Variants in ZNF480 observed in about 807,000 individuals in gnomAD.
ZNF480 encodes zinc finger protein 480.
Under a neutral mutation model 14.4 loss-of-function variants are expected in ZNF480, and 15 were observed. The observed-to-expected ratio is 1.04, with a 90% CI of 0.70 to 1.60. ZNF480 has a LOEUF of 1.60. Ranked by LOEUF, ZNF480 falls within the 40% of genes most tolerant of loss-of-function variation. The pLI, the probability that ZNF480 is intolerant of heterozygous loss-of-function variation, is 0.00. For missense variants in ZNF480, 593 were observed against 629.7 expected (o/e 0.94, Z 0.62); for synonymous variants, 218 against 215.5 (o/e 1.01, Z -0.10).
At chr19:52,316,780 T>G (rs1983578110) in intron 4 of ZNF480, among the ~76,000 whole-genome samples, 1 of 152,214 alleles carries the variant, frequency 6.6e-6, no homozygotes, top group Non-Finnish European at 1.5e-5. Context: ...TTTTGGATAC[T>G]CAAATGGAAT....
intron 1 of ZNF480, 134 bp downstream of exon 1, chr19:52,297,357 C>G: frequency 2.6e-6 from 1 of 377,500 alleles, no homozygotes; most frequent in Non-Finnish European, 5.2e-6. Context: ...CAGGCGTCTC[C>G]GTGAGAGTCA....
intron 2 of ZNF480, among the ~76,000 whole-genome samples, chr19:52,310,675 C>G (rs1219045000): frequency 6.6e-6 from 1 of 151,722 alleles, no homozygotes; most frequent in African/African-American, 2.4e-5. Context: ...TTATTTTTGT[C>G]CTTGTTTTTA....
chr19:52,322,406 C>A lies in ZNF480; in HGVS notation c.1156C>A (p.Leu386Ile), dbSNP rs775434873. 1 of 1,613,952 alleles carries A rather than the reference C, an allele frequency of 6.2e-7. No individual in the cohort carries two copies. The highest frequency in any genetic ancestry group is 1.1e-5 in the South Asian group (1 of 91,064). Residue 386 changes from leucine (L) to isoleucine (I), a missense_variant, in exon 5 of 5, where the codon CTA becomes ATA. Physicochemically the swap from Leu to Ile is conservative, Grantham distance 5. Coordinates refer to ENST00000595962, the MANE Select transcript of ZNF480 (RefSeq NM_144684.4). ...CGKVFIQNSH[L>I]AQHWRIHTGE... is the part of the protein sequence containing the mutation. ...AAAGGTCTTTATTCAAAATTCGCAC[C>A]TAGCACAACATTGGAGAATTCATAC...
chr19:52,309,880 T>G (rs1184509201), intron 2 of ZNF480, among the ~76,000 whole-genome samples: 1 of 152,162 alleles, frequency 6.6e-6, no homozygotes, highest in East Asian at 1.9e-4. Flanking sequence ...TTTAGTAGAG[T>G]TGCAGATTTC....
In ZNF480 at chr19:52,322,177, T is replaced by C; in HGVS notation, c.927T>C (p.His309=). The part of the protein sequence containing the change: ...NSYLARHQRI[H]AEEKPYKCNE... ...ACCTTGCACGACATCAAAGAATTCA[T>C]GCTGAAGAGAAACCTTACAAATGTA... The change falls in exon 5 of 5, where the codon CAT becomes CAC. Residue 309 remains histidine (H), a synonymous_variant. Coordinates refer to ENST00000595962, the MANE Select transcript of ZNF480 (RefSeq NM_144684.4). 2.5e-6 allele frequency: 4 copies of C among 1,614,106 alleles called. No individual in the cohort carries two copies. The highest frequency in any genetic ancestry group is 3.4e-6 in the Non-Finnish European group (4 of 1,180,000).
At chr19:52,309,789 C>T (rs528498245) in intron 2 of ZNF480, among the ~76,000 whole-genome samples, 3 of 152,262 alleles carry the variant, frequency 2.0e-5, no homozygotes, top group South Asian at 4.1e-4. Flanking sequence ...AGTTGGCCCA[C>T]GTATTCTTGT....
At position 52,297,233 on chromosome 19, in the gene ZNF480, C is replaced by A; in HGVS notation, c.-20+10C>A. 1 of 446,942 alleles carries A rather than the reference C, an allele frequency of 2.2e-6. No homozygotes were observed. The highest frequency in any genetic ancestry group is 1.6e-5 in the South Asian group (1 of 63,810). The allele number at this position is 446,942 out of a possible 1,614,324, so 27.7% of individuals were successfully genotyped here. A position where few individuals can be genotyped will look rare whatever the true frequency, so the allele number is the denominator to read the frequency against. On this transcript the variant is annotated intron_variant, in intron 1 of 4. Transcript: ENST00000595962. ...GGTCACGCCGCGGCGCGTGAGTTTC[C>A]CTTTGTGTAAATTAATCTGCGCTTC...
chr19:52,312,391 A>G (rs368612118), intron 2 of ZNF480, among the ~76,000 whole-genome samples: 381 of 151,624 alleles, frequency 2.5e-3, no homozygotes, highest in African/African-American at 9.0e-3. Context: ...TGATCCCCTG[A>G]CCTTGTGATC....
chr19:52,320,545 C>T (rs1983762323), intron 4 of ZNF480, among the ~76,000 whole-genome samples: 1 of 152,156 alleles, frequency 6.6e-6, no homozygotes, highest in African/African-American at 2.4e-5. Flanking sequence ...CCTGTAATCC[C>T]AGCACTTTCG....
At chr19:52,306,711 A>G (rs1045590131) in intron 2 of ZNF480, among the ~76,000 whole-genome samples, 3 of 152,204 alleles carry the variant, frequency 2.0e-5, no homozygotes, top group African/African-American at 7.2e-5. Context: ...AAAAGGCTCA[A>G]ATGTAGCCAT....
chr19:52,308,424 A>G (rs760311974), intron 2 of ZNF480, among the ~76,000 whole-genome samples: 3 of 149,206 alleles, frequency 2.0e-5, no homozygotes, highest in African/African-American at 4.9e-5. Context: ...CTTGTGCCTC[A>G]GTGTCCCGAG....
Position 52,321,933 on chromosome 19 carries a change from A to G in ZNF480, c.683A>G (p.Glu228Gly). ...LTKHQVIHTV[E>G]KPYKCNSCGK... is the part of the protein sequence containing the mutation. ...AAACATCAAGTAATCCATACTGTAG[A>G]GAAACCTTACAAATGTAATTCATGC... The change falls in exon 5 of 5, where the codon GAG becomes GGG. Residue 228 changes from glutamate to glycine, a missense_variant. By Grantham distance (98) the Glu-to-Gly change is moderately conservative (BLOSUM62 -2). Transcript: ENST00000595962. 6.2e-7 allele frequency: 1 copy of G among 1,614,162 alleles called. No individual in the cohort carries two copies. Among genetic ancestry groups the G allele is most frequent in the Non-Finnish European group, 8.5e-7 (1 of 1,180,008 alleles).
intron 1 of ZNF480, among the ~76,000 whole-genome samples, chr19:52,298,080 C>G (rs906015261): frequency 6.7e-6 from 1 of 150,090 alleles, no homozygotes; most frequent in Non-Finnish European, 1.5e-5. Context: ...AGATGAAGGA[C>G]AGCAAGATAG....
At chr19:52,319,465 C>T (rs568736717) in intron 4 of ZNF480, among the ~76,000 whole-genome samples, 1 of 152,274 alleles carries the variant, frequency 6.6e-6, no homozygotes, top group Admixed American at 6.5e-5. Flanking sequence ...ATACCTTTTC[C>T]TCTAAATGGC....
rs559795139 is a variant in ZNF480, at chr19:52,321,448, C to T, written c.329-131C>T. Reference sequence around the variant, plus strand: ...CCTTTTCTATTTTCAGCACAACCAGCGTGATGTACAAAGTGTGCTGATATT... The same window carrying T: ...CCTTTTCTATTTTCAGCACAACCAGTGTGATGTACAAAGTGTGCTGATATT... On this transcript the variant is annotated intron_variant, in intron 4 of 4. Coordinates refer to ENST00000595962, the MANE Select transcript of ZNF480 (RefSeq NM_144684.4). 315 of 741,112 alleles carry T rather than the reference C, an allele frequency of 4.3e-4. 1 individual carries two copies. In the Middle Eastern group the frequency reaches 5.2e-3, roughly 12 times the overall value. The allele number at this position is 741,112 out of a possible 1,614,324, so 45.9% of individuals were successfully genotyped here.
intron 4 of ZNF480, 67 bp from the exon 5 acceptor site, chr19:52,321,512 T>C (rs1983808228): frequency 7.3e-7 from 1 of 1,366,510 alleles, no homozygotes; most frequent in Non-Finnish European, 9.9e-7. Flanking sequence ...GATTCTAGTA[T>C]TTTCATCAGA....
In ZNF480 at chr19:52,322,833, A is replaced by G; in HGVS notation, c.1583A>G (p.Gln528Arg). ...TTTAGTCGCATTTCATACCTAGCAC[A>G]ACATTGGACAATTCATATGGGATAG... ...KAFSRISYLA[Q>R]HWTIHMG The change falls in exon 5 of 5, where the codon CAA (glutamine) becomes CGA (arginine). Residue 528 changes from glutamine to arginine, a missense_variant. Coordinates refer to ENST00000595962, the MANE Select transcript of ZNF480 (RefSeq NM_144684.4). The G allele has an allele frequency of 6.3e-7, 1 of 1,593,024 alleles. No homozygotes were observed. The highest frequency in any genetic ancestry group is 1.7e-5 in the Admixed American group (1 of 58,360).
rs1029355481 is a variant in ZNF480, at chr19:52,324,142, T to C, written c.*1284T>C. 10 of 152,140 alleles carry C rather than the reference T, an allele frequency of 6.6e-5. No homozygotes were observed. The highest frequency in any genetic ancestry group is 1.3e-4 in the Non-Finnish European group (9 of 68,004). The allele number at this position is 152,140 out of a possible 1,614,324, so 9.4% of individuals were successfully genotyped here. A position where few individuals can be genotyped will look rare whatever the true frequency, so the allele number is the denominator to read the frequency against. On this transcript the variant is annotated 3_prime_UTR_variant, in exon 5 of 5. Transcript: ENST00000595962. ...TGTACAAAAATTAGTTGCATTTCTA[T>C]ACACCAGTAATGTCCAAGCTATGAA...
Position 52,324,028 on chromosome 19 carries a change from A to C in ZNF480, c.*1170A>C, listed in dbSNP as rs1983975974. 1 of 152,166 alleles carries C rather than the reference A, an allele frequency of 6.6e-6. No individual in the cohort carries two copies. The highest frequency in any genetic ancestry group is 1.5e-5 in the Non-Finnish European group (1 of 68,024). 9.4% of individuals were successfully genotyped at this position (152,166 alleles called of 1,614,324 possible). On this transcript the variant is annotated 3_prime_UTR_variant, in exon 5 of 5. Coordinates refer to ENST00000595962, the MANE Select transcript of ZNF480 (RefSeq NM_144684.4). ...AGTCAGTTTCTCTTGCAGAAGATATAATTCTGTATTTAGAAAACCTGTTGT... is the reference window on the plus strand; with the variant it reads ...AGTCAGTTTCTCTTGCAGAAGATATCATTCTGTATTTAGAAAACCTGTTGT...
Sources: gnomAD v4.1 joint callset for allele counts (sites outside exome capture counted in the v4.1 genomes callset) on GRCh38, gnomAD v4.1.1 for gene constraint, MANE v1.5 for transcripts, NCBI Gene and HGNC (gene_info 2026-07-23, HGNC 2026-07-21) for gene names.